Variants in ADAMTSL1 observed in about 807,000 individuals in gnomAD.
ADAMTSL1 encodes ADAMTS-like protein 1.
ADAMTSL1 carries 126 observed loss-of-function variants against 201.8 expected under a neutral mutation model. The observed-to-expected ratio is 0.62, with a 90% CI of 0.54 to 0.72. The LOEUF is 0.72. Among genes scored for constraint, ADAMTSL1 ranks in the 30% least tolerant of loss-of-function variants. The pLI is 0.00. For missense variants in ADAMTSL1, 2,679 were observed against 2,277.8 expected (o/e 1.18, Z -3.59); for synonymous variants, 1,121 against 903.4 (o/e 1.24, Z -4.32).
Position 18,544,932 on chromosome 9 carries a change from C to T in ADAMTSL1, c.237+11640C>T, listed in dbSNP as rs141148690. ...AGAATTAAGAATGAGACCATCATTTCCACAGGGTTGAAAATTATTAGATTG... is the reference window on the plus strand; with the variant it reads ...AGAATTAAGAATGAGACCATCATTTTCACAGGGTTGAAAATTATTAGATTG... On this transcript the variant is annotated intron_variant, in intron 3 of 28. Transcript: ENST00000380548. Among the ~76,000 whole-genome samples the T allele has an allele frequency of 4.4e-3, 675 of 152,292 alleles. 4 individuals are homozygous for T. Among genetic ancestry groups the T allele is most frequent in the African/African-American group, 0.015 (618 of 41,570 alleles).
At chr9:18,556,428 A>G (rs1821114107) in intron 3 of ADAMTSL1, among the ~76,000 whole-genome samples, 1 of 152,016 alleles carries the variant, frequency 6.6e-6, no homozygotes, top group Admixed American at 6.6e-5. Context: ...ATCTTACTCT[A>G]GATGACTTTA....
intron 24 of ADAMTSL1, among the ~76,000 whole-genome samples, chr9:18,888,485 C>G (rs1829042871): frequency 6.6e-6 from 1 of 152,220 alleles, no homozygotes; most frequent in Non-Finnish European, 1.5e-5. Flanking sequence ...CAGCTTTAGT[C>G]ATAAGCTGAG....
intron 1 of ADAMTSL1, among the ~76,000 whole-genome samples, chr9:18,494,586 C>G (rs541311101): frequency 6.6e-6 from 1 of 152,196 alleles, no homozygotes; most frequent in East Asian, 1.9e-4. Flanking sequence ...TGACCAATTA[C>G]TGAAGTGTAG....
At chr9:18,831,818 G>T (rs1824996798) in intron 23 of ADAMTSL1, among the ~76,000 whole-genome samples, 1 of 152,160 alleles carries the variant, frequency 6.6e-6, no homozygotes, top group African/African-American at 2.4e-5. Context: ...ATAGAACTAG[G>T]AGACTCACAT....
At chr9:17,917,370 C>A (rs1672306848) in intron 1 of ADAMTSL1, among the ~76,000 whole-genome samples, 1 of 151,930 alleles carries the variant, frequency 6.6e-6, no homozygotes, top group South Asian at 2.1e-4. Context: ...TTTGTAGATG[C>A]TCTTTATGTC....
intron 2 of ADAMTSL1, among the ~76,000 whole-genome samples, chr9:18,347,754 G>A (rs1835788438): frequency 6.6e-6 from 1 of 152,118 alleles, no homozygotes; most frequent in Non-Finnish European, 1.5e-5. Context: ...CTACTGACTG[G>A]TGAGCAATGG....
intron 1 of ADAMTSL1, among the ~76,000 whole-genome samples, chr9:17,974,061 ACT>A (rs1332886027): frequency 1.3e-5 from 2 of 151,996 alleles, no homozygotes; most frequent in African/African-American, 4.8e-5. Flanking sequence ...CATGCTAAAA[ACT>A]CTCAATAAAT....
intron 2 of ADAMTSL1, among the ~76,000 whole-genome samples, chr9:18,442,763 A>T (rs1315186869): frequency 1.3e-5 from 2 of 152,196 alleles, no homozygotes; most frequent in East Asian, 3.9e-4. Flanking sequence ...AGCTCCTGAC[A>T]GCTGGCTTTG....
chr9:18,529,680 G>A (rs1819315044), intron 2 of ADAMTSL1, among the ~76,000 whole-genome samples: 1 of 152,144 alleles, frequency 6.6e-6, no homozygotes, highest in Admixed American at 6.5e-5. Flanking sequence ...AGAGACTAGT[G>A]TTTCTGTTAT....
At chr9:18,133,240 G>A (rs779272130) in intron 1 of ADAMTSL1, among the ~76,000 whole-genome samples, 1 of 152,236 alleles carries the variant, frequency 6.6e-6, no homozygotes, top group African/African-American at 2.4e-5. Flanking sequence ...TCTCCTGAGG[G>A]CTCCAGTTAG....
intron 4 of ADAMTSL1, among the ~76,000 whole-genome samples, chr9:18,589,358 T>C (rs1215989746): frequency 2.6e-5 from 4 of 152,182 alleles, no homozygotes; most frequent in Non-Finnish European, 2.9e-5. Flanking sequence ...ATTGCTTTCT[T>C]GATTTATTTT....
chr9:18,107,846 T>C (rs1487039793), intron 1 of ADAMTSL1, among the ~76,000 whole-genome samples: 2 of 152,100 alleles, frequency 1.3e-5, no homozygotes, highest in East Asian at 3.9e-4. Context: ...CCAGGAAGTG[T>C]TAAATGCTGA....
chr9:18,321,207 C>A (rs996005549), intron 2 of ADAMTSL1, among the ~76,000 whole-genome samples: 1 of 151,850 alleles, frequency 6.6e-6, no homozygotes, highest in Non-Finnish European at 1.5e-5. Flanking sequence ...TATGTATCAC[C>A]CAATATAAAG....
intron 2 of ADAMTSL1, among the ~76,000 whole-genome samples, chr9:18,324,477 A>G (rs1453468173): frequency 6.6e-6 from 1 of 151,488 alleles, no homozygotes; most frequent in African/African-American, 2.4e-5. Flanking sequence ...ATAACACACT[A>G]CATCAGGCTA....
intron 2 of ADAMTSL1, among the ~76,000 whole-genome samples, chr9:18,178,970 C>T (rs1352455067): frequency 1.3e-5 from 2 of 152,196 alleles, no homozygotes; most frequent in African/African-American, 4.8e-5. Flanking sequence ...AGCAGAGCGC[C>T]TCTCCTCCTC....
intron 19 of ADAMTSL1, among the ~76,000 whole-genome samples, chr9:18,788,393 C>T (rs1162947917): frequency 1.3e-5 from 2 of 151,546 alleles, no homozygotes; most frequent in African/African-American, 4.9e-5. Flanking sequence ...GCCCCGCCCC[C>T]GCAACCACCG....
rs150296089 is a variant in ADAMTSL1 at position 18,873,487 on chromosome 9, A to G, written c.4250-14344A>G. 5.1e-3 allele frequency among the ~76,000 whole-genome samples: 783 copies of G among 152,204 alleles called. 3 individuals are homozygous for G. Among genetic ancestry groups the G allele is most frequent in the African/African-American group, 0.017 (724 of 41,536 alleles). On this transcript the variant is annotated intron_variant, in intron 23 of 28. Coordinates refer to ENST00000380548, the MANE Select transcript of ADAMTSL1 (RefSeq NM_001040272.6). ...AGTTGACTTTTGTAGAAGGTGAGAG[A>G]TGAGGATCCAGTTTCATTCTCCTAC...
intron 13 of ADAMTSL1, 39 bp from the exon 14 acceptor site, chr9:18,706,708 G>A (rs761999876): frequency 1.3e-6 from 2 of 1,534,148 alleles, no homozygotes; most frequent in African/African-American, 1.4e-5. Flanking sequence ...CCTGCCTGGG[G>A]CTTCTCATCC....
At chr9:18,121,221 T>C (rs1825481785) in intron 1 of ADAMTSL1, among the ~76,000 whole-genome samples, 1 of 152,148 alleles carries the variant, frequency 6.6e-6, no homozygotes, top group East Asian at 1.9e-4. Flanking sequence ...CTAAAACAAA[T>C]ACAGACAGTT....
Sources: gnomAD v4.1 joint callset for allele counts (sites outside exome capture counted in the v4.1 genomes callset) on GRCh38, gnomAD v4.1.1 for gene constraint, MANE v1.5 for transcripts, NCBI Gene and HGNC (gene_info 2026-07-23, HGNC 2026-07-21) for gene names.